The following ZNF599 variants were observed in gnomAD, a reference collection of about 807,000 sequenced individuals.
The protein encoded by ZNF599 is zinc finger protein 599.
In ZNF599, 10 loss-of-function variants were observed where a neutral mutation model predicts 11.7. The ratio of observed to expected loss-of-function variants is 0.86; its 90% confidence interval spans 0.53 to 1.45. ZNF599 has a LOEUF of 1.45. Among genes scored for constraint, ZNF599 ranks in the 40% most tolerant of loss-of-function variants. The pLI is 0.00. For synonymous variants in ZNF599, 232 were observed against 253.2 expected, an observed-to-expected ratio of 0.92 and a Z score of 0.79; for missense variants, 688 against 713.6, an observed-to-expected ratio of 0.96 and a Z score of 0.41.
chr19:34,781,168 A>G, the ZNF599 span, among the ~76,000 whole-genome samples: 1 of 152,086 alleles, frequency 6.6e-6, no homozygotes, highest in South Asian at 2.1e-4. Context: ...AAAAAAATAA[A>G]AATAAAAAAA....
the ZNF599 span, chr19:34,788,625 T>G: frequency 2.0e-5 from 3 of 152,018 alleles, no homozygotes; most frequent in Admixed American, 6.5e-5. Flanking sequence ...TGATACCAGG[T>G]GAAAGATCTG....
the ZNF599 span, among the ~76,000 whole-genome samples, chr19:34,791,162 C>G: frequency 6.6e-6 from 1 of 152,214 alleles, no homozygotes; most frequent in Admixed American, 6.5e-5. Context: ...AACCCATTTT[C>G]TCTCCTCTTT....
chr19:34,759,043 G>A lies in ZNF599; in HGVS notation c.1758C>T (p.Thr586=). ...SSFTHHRKIH[T]RV ...GGCCTTCCTGTATCTTTTAAACTCTGGTATGAATCTTTCGATGGTGAGTGA... is the reference window on the plus strand; with the variant it reads ...GGCCTTCCTGTATCTTTTAAACTCTAGTATGAATCTTTCGATGGTGAGTGA... The change falls in exon 4 of 4, where the codon ACC becomes ACT. Residue 586 remains threonine (T), a synonymous_variant. Transcript: ENST00000329285. 1 of 1,609,558 alleles carries A rather than the reference G, an allele frequency of 6.2e-7. No homozygotes were observed. The highest frequency in any genetic ancestry group is 8.5e-7 in the Non-Finnish European group (1 of 1,176,976).
chr19:34,806,350 C>T, the ZNF599 span, among the ~76,000 whole-genome samples: 1 of 152,068 alleles, frequency 6.6e-6, no homozygotes, highest in Admixed American at 6.6e-5. Context: ...CACTGTCCAA[C>T]TTGCACCTCA....
the ZNF599 span, among the ~76,000 whole-genome samples, chr19:34,807,094 T>C: frequency 0.043 from 6,591 of 152,260 alleles, 420 homozygotes; most frequent in African/African-American, 0.14. Context: ...AGCCCAGTTG[T>C]GCCTCCAAAC....
Position 34,764,256 on chromosome 19 carries a change from C to A in ZNF599, c.241+3060G>T, listed in dbSNP as rs1368184678. The A allele has an allele frequency of 2.0e-5, 3 of 152,258 alleles. No homozygotes were observed. The East Asian group carries it at 5.8e-4, about 29-fold the overall frequency. 9.4% of individuals were successfully genotyped at this position (152,258 alleles called of 1,614,324 possible). A position where few individuals can be genotyped will look rare whatever the true frequency, so the allele number is the denominator to read the frequency against. Reference sequence around the variant, plus strand: ...GGTGCTGAGAAACACCACTACCAGGCATCAAAGAGTAAAGGGAAAGACACC... The same window carrying A: ...GGTGCTGAGAAACACCACTACCAGGAATCAAAGAGTAAAGGGAAAGACACC... On this transcript the variant is annotated intron_variant, in intron 3 of 3. Coordinates refer to ENST00000329285, the MANE Select transcript of ZNF599 (RefSeq NM_001007248.3).
At chr19:34,784,450 G>A in the ZNF599 span, among the ~76,000 whole-genome samples, 2 of 152,114 alleles carry the variant, frequency 1.3e-5, no homozygotes, top group African/African-American at 4.8e-5. Flanking sequence ...TATATTTTGG[G>A]GGGAATACAA....
chr19:34,759,291 C>A lies in ZNF599; in HGVS notation c.1510G>T (p.Glu504Ter), dbSNP rs201265944. 1 of 1,614,222 alleles carries A rather than the reference C, an allele frequency of 6.2e-7. No individual in the cohort carries two copies. The highest frequency in any genetic ancestry group is 1.3e-5 in the African/African-American group (1 of 75,062). Residue 504 changes from glutamate (E) to a stop codon, truncating the protein, a stop_gained, in exon 4 of 4, where the codon GAG (glutamate) becomes TAG (stop). Coordinates refer to ENST00000329285, the MANE Select transcript of ZNF599 (RefSeq NM_001007248.3). LOFTEE classifies it low-confidence loss of function (END_TRUNC). ...FTRHMRIHTG[E>*]KPYVCRECGK... ...CATTCTCTACAAACATAGGGCTTCTCTCCAGTGTGAATCCTCATGTGTCGA... is the reference window on the plus strand; with the variant it reads ...CATTCTCTACAAACATAGGGCTTCTATCCAGTGTGAATCCTCATGTGTCGA...
the ZNF599 span, among the ~76,000 whole-genome samples, chr19:34,779,243 CTTTTTTTTTTTTTT>C: frequency 1.4e-4 from 8 of 57,310 alleles, no homozygotes; most frequent in African/African-American, 2.9e-4. Context: ...CCATGCCCAG[CTTTTTTTTTTTTTT>C]TTTTTTTTTT....
chr19:34,805,295 T>C, the ZNF599 span, among the ~76,000 whole-genome samples: 9 of 151,782 alleles, frequency 5.9e-5, no homozygotes, highest in South Asian at 6.3e-4. Context: ...CCTCCCAGGT[T>C]CAAGCAATTC....
intron 2 of ZNF599, among the ~76,000 whole-genome samples, chr19:34,769,166 T>C (rs1291034973): frequency 6.6e-6 from 1 of 152,198 alleles, no homozygotes; most frequent in Non-Finnish European, 1.5e-5. Context: ...TTACCTCTTG[T>C]GGCAGTCTGG....
the ZNF599 span, among the ~76,000 whole-genome samples, chr19:34,797,053 C>A: frequency 4.6e-5 from 7 of 151,148 alleles, no homozygotes; most frequent in South Asian, 2.1e-4. Flanking sequence ...TATGAGTGAG[C>A]ACATGCAGTG....
At chr19:34,788,074 T>C in the ZNF599 span, among the ~76,000 whole-genome samples, 3 of 152,224 alleles carry the variant, frequency 2.0e-5, no homozygotes, top group Non-Finnish European at 2.9e-5. Flanking sequence ...TTGTATTGGG[T>C]ATTGTAAGTA....
Position 34,760,519 on chromosome 19 carries a change from A to C in ZNF599, c.282T>G (p.Ser94=), listed in dbSNP as rs1311766141. Residue 94 remains serine, a synonymous_variant, in exon 4 of 4, where the codon TCT becomes TCG. Transcript: ENST00000329285. ...AGGATTCCTCAGAGAAGGCCAGCTG[A>C]GAAGCAGTAGGCTCTGTAATCTTGG... The part of the protein sequence containing the change: ...AKPKITEPTA[S]QLAFSEESSF... 6.2e-7 allele frequency: 1 copy of C among 1,613,912 alleles called. No individual in the cohort carries two copies. Among genetic ancestry groups the C allele is most frequent in the Non-Finnish European group, 8.5e-7 (1 of 1,179,924 alleles).
the ZNF599 span, among the ~76,000 whole-genome samples, chr19:34,805,105 A>G: frequency 6.6e-5 from 10 of 152,182 alleles, no homozygotes; most frequent in Admixed American, 5.9e-4. Flanking sequence ...TTGTCTTGGT[A>G]AGTACTTTTA....
chr19:34,782,173 A>G, the ZNF599 span, among the ~76,000 whole-genome samples: 2 of 152,236 alleles, frequency 1.3e-5, no homozygotes, highest in Admixed American at 1.3e-4. Context: ...ACCCAGGCCT[A>G]TTCCACCATC....
At chr19:34,782,133 T>G in the ZNF599 span, among the ~76,000 whole-genome samples, 2 of 152,222 alleles carry the variant, frequency 1.3e-5, no homozygotes, top group Non-Finnish European at 2.9e-5. Flanking sequence ...CCTCTTGTAA[T>G]GGTTGTCATG....
At chr19:34,794,651 A>C in the ZNF599 span, among the ~76,000 whole-genome samples, 1 of 151,166 alleles carries the variant, frequency 6.6e-6, no homozygotes, top group Non-Finnish European at 1.5e-5. Flanking sequence ...GCTCACTGCA[A>C]CCTCCACCTC....
chr19:34,801,057 G>T, the ZNF599 span, among the ~76,000 whole-genome samples: 1 of 152,314 alleles, frequency 6.6e-6, no homozygotes, highest in African/African-American at 2.4e-5. Flanking sequence ...CCACCTCTGT[G>T]TGGTAAACAT....
Sources: gnomAD v4.1 joint callset for allele counts (sites outside exome capture counted in the v4.1 genomes callset) on GRCh38, gnomAD v4.1.1 for gene constraint, MANE v1.5 for transcripts, NCBI Gene and HGNC (gene_info 2026-07-23, HGNC 2026-07-21) for gene names.